The following FAT3 variants were observed in gnomAD, a reference collection of about 807,000 sequenced individuals.
FAT3 encodes the protein FAT atypical cadherin 3.
Under a neutral mutation model 310.2 loss-of-function variants are expected in FAT3, and 95 were observed. That is an observed-to-expected ratio of 0.31 (90% CI 0.26 to 0.36). FAT3 has a LOEUF of 0.36. Ranked by LOEUF, FAT3 falls within the 10% of genes least tolerant of loss-of-function variation. FAT3 has a pLI of 1.00. For synonymous variants in FAT3, 2,314 were observed against 2,192.9 expected (o/e 1.06, Z -1.54); for missense variants, 5,408 against 5,715.6 (o/e 0.95, Z 1.74).
At chr11:92,546,279 T>A (rs1035752897) in intron 3 of FAT3, among the ~76,000 whole-genome samples, 4 of 152,344 alleles carry the variant, frequency 2.6e-5, no homozygotes, top group Admixed American at 2.6e-4. Flanking sequence ...AAAGGATTTT[T>A]CTGTCATTGT....
intron 21 of FAT3, 52 bp downstream of exon 21, chr11:92,859,374 T>G: frequency 1.5e-6 from 2 of 1,300,400 alleles, no homozygotes; most frequent in African/African-American, 2.9e-5. Context: ...GTTAGTGTTT[T>G]GGCTCTTGGA....
At position 92,354,649 on chromosome 11, in the gene FAT3, T is replaced by C; in HGVS notation, c.2537T>C (p.Ile846Thr). 6.2e-7 allele frequency: 1 copy of C among 1,613,816 alleles called. No homozygotes were observed. The highest frequency in any genetic ancestry group is 8.5e-7 in the Non-Finnish European group (1 of 1,179,856). Residue 846 changes from isoleucine (I) to threonine (T), a missense_variant, in exon 2 of 28, where the codon ATT becomes ACT. By Grantham distance (89) the Ile-to-Thr change is moderately conservative. This residue lies in a region of FAT3 where 4,588 missense variants were observed against 4,809.8 expected (regional missense o/e 0.95). Coordinates refer to ENST00000525166, the MANE Select transcript of FAT3 (RefSeq NM_001367949.2). Reference protein sequence around the residue: ...YSVNILESSGIGTEIIQVEAR... With the variant: ...YSVNILESSGTGTEIIQVEAR... The stretch of plus-strand genomic sequence containing the variant: ...GTTAACATTCTTGAAAGTTCAGGCA[T>C]TGGTACTGAAATCATTCAAGTGGAA...
At position 92,800,377 on chromosome 11, in the gene FAT3, A is replaced by G. The variant is rs371503642; in HGVS notation, c.7364A>G (p.Asn2455Ser). 3 of 1,613,938 alleles carry G rather than the reference A, an allele frequency of 1.9e-6. No individual in the cohort carries two copies. Among genetic ancestry groups the G allele is most frequent in the Admixed American group, 3.3e-5 (2 of 60,026 alleles). ...AAGAGTGGAGTTATCACATTGTCCA[A>G]CCATCGGAAGCAGCGGATGGAGCCT... The part of the protein sequence containing the change: ...DSKSGVITLS[N>S]HRKQRMEPLY... The change falls in exon 10 of 28, where the codon AAC becomes AGC. Residue 2455 changes from asparagine to serine, a missense_variant. Coordinates refer to ENST00000525166, the MANE Select transcript of FAT3 (RefSeq NM_001367949.2).
chr11:92,504,962 A>T (rs1235007001), intron 2 of FAT3, among the ~76,000 whole-genome samples: 2 of 152,132 alleles, frequency 1.3e-5, no homozygotes, highest in Non-Finnish European at 2.9e-5. Context: ...ATAAAGAAGG[A>T]AGTGTTCAGT....
chr11:92,326,102 T>C (rs898795929), intron 1 of FAT3, among the ~76,000 whole-genome samples: 1 of 152,152 alleles, frequency 6.6e-6, no homozygotes, highest in Non-Finnish European at 1.5e-5. Flanking sequence ...AACACCAGAG[T>C]CATGGAGGCT....
chr11:92,298,641 A>G (rs1337809977), intron 1 of FAT3, among the ~76,000 whole-genome samples: 2 of 152,054 alleles, frequency 1.3e-5, no homozygotes, highest in Non-Finnish European at 2.9e-5. Context: ...GTCACCTTTC[A>G]TTGTCTTCTT....
chr11:92,483,540 A>G (rs1358037009), intron 2 of FAT3, among the ~76,000 whole-genome samples: 2 of 151,834 alleles, frequency 1.3e-5, no homozygotes, highest in Non-Finnish European at 2.9e-5. Context: ...CTCTCTGTCT[A>G]CTAGACTGTG....
At chr11:92,323,962 A>G (rs962356373) in intron 1 of FAT3, among the ~76,000 whole-genome samples, 3 of 152,212 alleles carry the variant, frequency 2.0e-5, no homozygotes, top group Admixed American at 6.5e-5. Flanking sequence ...CTGTTATGTT[A>G]TAGAGATGGC....
At chr11:92,298,006 A>G in intron 1 of FAT3, among the ~76,000 whole-genome samples, 1 of 152,110 alleles carries the variant, frequency 6.6e-6, no homozygotes, top group East Asian at 1.9e-4. Context: ...TTTTGGAAGA[A>G]TAAGCTTGTT....
At chr11:92,522,693 G>T (rs1397097403) in intron 2 of FAT3, among the ~76,000 whole-genome samples, 2 of 152,108 alleles carry the variant, frequency 1.3e-5, no homozygotes, top group East Asian at 3.9e-4. Flanking sequence ...GCAGACCTAA[G>T]CCAGTATCAG....
At chr11:92,757,993 A>C (rs184681521) in intron 4 of FAT3, among the ~76,000 whole-genome samples, 1 of 152,230 alleles carries the variant, frequency 6.6e-6, no homozygotes, top group Non-Finnish European at 1.5e-5. Flanking sequence ...AAAACTGTCC[A>C]CCTCTAGCTG....
At chr11:92,594,209 G>A (rs1022790529) in intron 3 of FAT3, among the ~76,000 whole-genome samples, 4 of 152,162 alleles carry the variant, frequency 2.6e-5, no homozygotes, top group Admixed American at 6.5e-5. Flanking sequence ...TTGGGAGGCC[G>A]AGGCCGGCAG....
At chr11:92,885,596 C>T (rs1949777719) in intron 24 of FAT3, among the ~76,000 whole-genome samples, 2 of 152,154 alleles carry the variant, frequency 1.3e-5, no homozygotes, top group Non-Finnish European at 2.9e-5. Context: ...CATAAATATA[C>T]TCCCTCTCAA....
intron 2 of FAT3, among the ~76,000 whole-genome samples, chr11:92,508,525 A>G (rs1040015614): frequency 2.0e-5 from 3 of 152,126 alleles, no homozygotes; most frequent in African/African-American, 4.8e-5. Flanking sequence ...AATTTCCACA[A>G]AGTTTCAGCG....
chr11:92,800,348 C>T lies in FAT3; in HGVS notation c.7335C>T (p.Asp2445=), dbSNP rs145177964. Residue 2445 remains aspartate, a synonymous_variant, in exon 10 of 28, where the codon GAC becomes GAT. Transcript: ENST00000525166. ...SGNDRTSFLM[D]SKSGVITLSN... ...ATGACCGGACGAGCTTTCTGATGGA[C>T]AGCAAGAGTGGAGTTATCACATTGT... 33 of 1,613,966 alleles carry T rather than the reference C, an allele frequency of 2.0e-5. No individual in the cohort carries two copies. In the East Asian group the frequency reaches 7.1e-4, roughly 35 times the overall value.
At chr11:92,662,334 T>C (rs1942813560) in intron 3 of FAT3, among the ~76,000 whole-genome samples, 1 of 152,148 alleles carries the variant, frequency 6.6e-6, no homozygotes, top group Non-Finnish European at 1.5e-5. Flanking sequence ...GCATTTCTAA[T>C]TCTTGAGTGA....
At chr11:92,704,422 G>A (rs1054122396) in intron 4 of FAT3, among the ~76,000 whole-genome samples, 6 of 152,148 alleles carry the variant, frequency 3.9e-5, no homozygotes, top group African/African-American at 1.2e-4. Flanking sequence ...GCTGAATTGT[G>A]CACCACCTCC....
At chr11:92,578,616 A>G (rs1379104070) in intron 3 of FAT3, among the ~76,000 whole-genome samples, 6 of 152,152 alleles carry the variant, frequency 3.9e-5, no homozygotes, top group Admixed American at 2.6e-4. Context: ...GAATTATTAA[A>G]CAGTGCTATC....
At position 92,764,900 on chromosome 11, in the gene FAT3, C is replaced by T. The variant is rs1211966374; in HGVS notation, c.4006C>T (p.Arg1336Cys). ...GTAGATAAAGGCAGTGGACAATGGG[C>T]GCCCACAGAAATCCTCCACGGCCCG... ...ILTIKAVDNG[R>C]PQKSSTARLH... Residue 1336 changes from arginine (R) to cysteine (C), a missense_variant, in exon 6 of 28, where the codon CGC becomes TGC. Around this residue, in one of 5 missense-constraint regions of FAT3, gnomAD observed 4,588 missense variants for 4,809.8 expected, o/e 0.95. Transcript: ENST00000525166. 1.2e-6 allele frequency: 2 copies of T among 1,613,570 alleles called. No homozygotes were observed. Among genetic ancestry groups the T allele is most frequent in the Non-Finnish European group, 1.7e-6 (2 of 1,179,680 alleles).
Sources: allele counts gnomAD v4.1 joint callset (sites outside exome capture counted in the v4.1 genomes callset), GRCh38; gene constraint gnomAD v4.1.1; regional missense constraint gnomAD v4.1.1; transcripts MANE v1.5; gene names NCBI Gene and HGNC (gene_info 2026-07-23, HGNC 2026-07-21).